The following CTNNA2 variants were observed in gnomAD, a reference collection of about 807,000 sequenced individuals.
CTNNA2 encodes the protein catenin alpha-2.
A neutral mutation model predicts 101.0 loss-of-function variants in CTNNA2; 42 were observed. That is an observed-to-expected ratio of 0.42 (90% CI 0.32 to 0.54). CTNNA2 has a LOEUF of 0.54. Among genes scored for constraint, CTNNA2 ranks in the 20% least tolerant of loss-of-function variants. The pLI, the probability that CTNNA2 is intolerant of heterozygous loss-of-function variation, is 0.14. For synonymous variants in CTNNA2, 450 were observed against 456.4 expected (o/e 0.99, Z 0.18); for missense variants, 871 against 1,223.1 (o/e 0.71, Z 4.29).
chr2:79,650,368 T>G (rs1365249165), intron 1 of CTNNA2, among the ~76,000 whole-genome samples: 1 of 152,090 alleles, frequency 6.6e-6, no homozygotes, highest in Non-Finnish European at 1.5e-5. Flanking sequence ...TAGCAGATAA[T>G]TTTTCAGAAC....
chr2:80,456,141 C>T (rs576949370), intron 9 of CTNNA2, among the ~76,000 whole-genome samples: 270 of 152,300 alleles, frequency 1.8e-3, no homozygotes, highest in African/African-American at 6.2e-3. Flanking sequence ...GAATGCATCT[C>T]CTTCAGTTAC....
chr2:79,920,877 T>A (rs745816962), intron 7 of CTNNA2, among the ~76,000 whole-genome samples: 1 of 152,346 alleles, frequency 6.6e-6, no homozygotes, highest in African/African-American at 2.4e-5. Context: ...CCCAAGCTGC[T>A]CACTCTTATT....
At chr2:79,921,300 G>A (rs933583047) in intron 7 of CTNNA2, among the ~76,000 whole-genome samples, 2 of 152,132 alleles carry the variant, frequency 1.3e-5, no homozygotes, top group African/African-American at 4.8e-5. Context: ...TAAAAACGGG[G>A]TTTCTTTTTG....
At chr2:79,721,989 G>A (rs920836419) in intron 2 of CTNNA2, among the ~76,000 whole-genome samples, 3 of 152,178 alleles carry the variant, frequency 2.0e-5, no homozygotes, top group African/African-American at 4.8e-5. Flanking sequence ...AAAATGAAGC[G>A]TGTTTATAAT....
chr2:79,414,279 T>C (rs1678452276), intron 4 of CTNNA2, among the ~76,000 whole-genome samples: 1 of 151,968 alleles, frequency 6.6e-6, no homozygotes, highest in Admixed American at 6.6e-5. Context: ...AAATTCTACA[T>C]TCTAAGAATG....
rs536559916 is a variant in CTNNA2 at position 79,726,121 on chromosome 2, AC to A, written c.103-18265del. Among the ~76,000 whole-genome samples the A allele has an allele frequency of 1.0e-3, 156 of 152,306 alleles. 5 individuals carry two copies. In the South Asian group the frequency reaches 0.031, roughly 30 times the overall value. On this transcript the variant is annotated intron_variant, in intron 2 of 18. Coordinates refer to ENST00000402739, the MANE Select transcript of CTNNA2 (RefSeq NM_001282597.3). ...TCTAGAAGACAAATTTTAACCTTTG[AC>A]ACTAGATTGGTGTAATCCTAGTTAT... is the stretch of plus-strand genomic sequence containing the variant.
chr2:80,022,226 T>C (rs184831271), intron 7 of CTNNA2, among the ~76,000 whole-genome samples: 2 of 152,338 alleles, frequency 1.3e-5, no homozygotes, highest in Admixed American at 1.3e-4. Flanking sequence ...TCATCGTTTA[T>C]TTATTGAGCA....
At chr2:79,554,678 G>A (rs1388288061) in intron 1 of CTNNA2, among the ~76,000 whole-genome samples, 1 of 152,068 alleles carries the variant, frequency 6.6e-6, no homozygotes, top group African/African-American at 2.4e-5. Context: ...TAAGATAGAA[G>A]GCTCCAGACA....
intron 3 of CTNNA2, among the ~76,000 whole-genome samples, chr2:79,371,521 G>T (rs1300883968): frequency 6.6e-6 from 1 of 152,078 alleles, no homozygotes; most frequent in Non-Finnish European, 1.5e-5. Context: ...GATGAACCAG[G>T]CTCCTTCTCT....
intron 9 of CTNNA2, among the ~76,000 whole-genome samples, chr2:80,434,081 A>G (rs1681797388): frequency 6.6e-6 from 1 of 152,240 alleles, no homozygotes; most frequent in Non-Finnish European, 1.5e-5. Flanking sequence ...AATACTAATG[A>G]CATGTGTGCA....
At chr2:79,388,867 G>T (rs1357232920) in intron 4 of CTNNA2, among the ~76,000 whole-genome samples, 1 of 149,980 alleles carries the variant, frequency 6.7e-6, no homozygotes, top group African/African-American at 2.5e-5. Context: ...TATTTTTCTT[G>T]GCTTCATCCC....
intron 7 of CTNNA2, among the ~76,000 whole-genome samples, chr2:80,325,344 G>A (rs1370862936): frequency 6.6e-6 from 1 of 152,116 alleles, no homozygotes; most frequent in Non-Finnish European, 1.5e-5. Context: ...GAAGTATTTG[G>A]CAATTAAATG....
intron 2 of CTNNA2, among the ~76,000 whole-genome samples, chr2:79,226,675 A>G (rs1674413728): frequency 6.6e-6 from 1 of 152,204 alleles, no homozygotes; most frequent in Non-Finnish European, 1.5e-5. Context: ...ATTCTTTGGA[A>G]TCTTTTACCA....
chr2:79,818,017 C>G (rs1478165273), intron 3 of CTNNA2, among the ~76,000 whole-genome samples: 1 of 152,112 alleles, frequency 6.6e-6, no homozygotes, highest in South Asian at 2.1e-4. Context: ...TTAATTTACT[C>G]GTTTTAATAA....
chr2:79,677,981 G>A lies in CTNNA2; in HGVS notation c.102+26323G>A, dbSNP rs143084982. On this transcript the variant is annotated intron_variant, in intron 2 of 18. Coordinates refer to ENST00000402739, the MANE Select transcript of CTNNA2 (RefSeq NM_001282597.3). ...CAAAACAAAGCAAAAATTTGACCTA[G>A]TACTTGGTTCATAGTAAGTTCACAG... 1.1e-4 allele frequency among the ~76,000 whole-genome samples: 16 copies of A among 152,276 alleles called. 1 individual carries two copies. In the East Asian group the frequency reaches 2.7e-3, roughly 26 times the overall value.
chr2:80,523,662 C>A (rs1229492965), intron 9 of CTNNA2, among the ~76,000 whole-genome samples: 1 of 152,148 alleles, frequency 6.6e-6, no homozygotes, highest in African/African-American at 2.4e-5. Flanking sequence ...CATGGACATG[C>A]AGCCAGCAGC....
intron 9 of CTNNA2, among the ~76,000 whole-genome samples, chr2:80,490,901 G>A (rs558224465): frequency 9.2e-5 from 14 of 152,132 alleles, no homozygotes; most frequent in East Asian, 3.9e-4. Flanking sequence ...CCATCTTTTC[G>A]TATGAACTGC....
intron 11 of CTNNA2, among the ~76,000 whole-genome samples, chr2:80,553,881 G>T (rs997337): frequency 0.41 from 61,832 of 151,940 alleles, 12,849 homozygotes; most frequent in South Asian, 0.58. Context: ...GTGTTCACAT[G>T]TTTAATCATG....
intron 3 of CTNNA2, among the ~76,000 whole-genome samples, chr2:79,853,156 C>T (rs369928033): frequency 1.1e-3 from 166 of 152,046 alleles, no homozygotes; most frequent in African/African-American, 3.5e-3. Flanking sequence ...GTGTGAGCCA[C>T]TGCACCTTGT....
Sources: allele counts gnomAD v4.1 joint callset (sites outside exome capture counted in the v4.1 genomes callset), GRCh38; gene constraint gnomAD v4.1.1; transcripts MANE v1.5; gene names NCBI Gene and HGNC (gene_info 2026-07-23, HGNC 2026-07-21).